The following CLCN4 variants were observed in gnomAD, a reference collection of about 807,000 sequenced individuals.
CLCN4 encodes the protein H(+)/Cl(-) exchange transporter 4.
A neutral mutation model predicts 41.7 loss-of-function variants in CLCN4; 1 was observed. The ratio of observed to expected loss-of-function variants is 0.02; its 90% CI spans 0.01 to 0.11. The LOEUF (loss-of-function observed/expected upper bound fraction) is 0.11, where lower values mean the gene tolerates loss of function less well. Ranked by LOEUF, CLCN4 falls within the 10% of genes least tolerant of loss-of-function variation. The pLI, the probability that CLCN4 is intolerant of heterozygous loss-of-function variation, is 1.00. For missense variants in CLCN4, 287 were observed against 661.0 expected, an observed-to-expected ratio of 0.43 and a Z score of 6.20; for synonymous variants, 277 against 285.8, an observed-to-expected ratio of 0.97 and a Z score of 0.31.
intron 2 of CLCN4, among the ~76,000 whole-genome samples, chrX:10,171,749 G>A (rs1923390663): frequency 8.9e-6 from 1 of 112,002 alleles, no homozygotes; most frequent in Non-Finnish European, 1.9e-5. Context: ...GAAGTCTGGA[G>A]AAAAGCAGGC....
At chrX:10,230,163 TTGTCAGA>T (rs1925092487) in intron 12 of CLCN4, among the ~76,000 whole-genome samples, 1 of 112,146 alleles carries the variant, frequency 8.9e-6, no homozygotes, top group Non-Finnish European at 1.9e-5. Context: ...TATTAATCCC[TTGTCAGA>T]TGGGTAGTTT....
At chrX:10,177,747 A>G (rs1466017767) in intron 2 of CLCN4, among the ~76,000 whole-genome samples, 1 of 112,452 alleles carries the variant, frequency 8.9e-6, no homozygotes, top group Non-Finnish European at 1.9e-5. Context: ...CAGAGTTCCC[A>G]TCTGACCCAG....
At chrX:10,194,253 T>C (rs1924040191) in intron 4 of CLCN4, among the ~76,000 whole-genome samples, 1 of 111,690 alleles carries the variant, frequency 9.0e-6, no homozygotes, top group Non-Finnish European at 1.9e-5. Context: ...TTGTGAGAGA[T>C]GAGAATGCAT....
chrX:10,157,406 G>A (rs886456598), intron 1 of CLCN4, among the ~76,000 whole-genome samples: 8 of 112,304 alleles, frequency 7.1e-5, no homozygotes, highest in Non-Finnish European at 1.5e-4. Flanking sequence ...TCAGGGCTGT[G>A]AGCAAAGGGA....
At chrX:10,165,065 G>T (rs1051744602) in intron 2 of CLCN4, among the ~76,000 whole-genome samples, 1 of 112,690 alleles carries the variant, frequency 8.9e-6, no homozygotes, top group African/African-American at 3.2e-5. Context: ...GCCCTGCACC[G>T]CCTGTCACGT....
Position 10,233,621 on chromosome X carries a change from T to C in CLCN4, c.*37T>C. 4 of 987,542 alleles carry C rather than the reference T, an allele frequency of 4.1e-6. No individual in the cohort carries two copies. The highest frequency in any genetic ancestry group is 5.8e-6 in the Non-Finnish European group (4 of 692,190). The allele number at this position is 987,542 out of a possible 1,213,427, so 81.4% of individuals were successfully genotyped here. A position where few individuals can be genotyped will look rare whatever the true frequency, so the allele number is the denominator to read the frequency against. On this transcript the variant is annotated 3_prime_UTR_variant, in exon 13 of 13. Transcript: ENST00000380833. ...CAATTATTTTCAGAAAAACACTGAC[T>C]GTGTCATTTAAAAAGAAATAAATGA...
chrX:10,185,275 C>G, intron 3 of CLCN4, 99 bp downstream of exon 3: 1 of 927,837 alleles, frequency 1.1e-6, no homozygotes, highest in Non-Finnish European at 1.5e-6. Flanking sequence ...GTGTCATGTG[C>G]TGGGTTAGGG....
rs1925261767 is a variant in CLCN4 at position 10,236,723 on chromosome X, G to T, written c.*3139G>T. The T allele has an allele frequency of 9.6e-6, 1 of 103,717 alleles. No individual in the cohort carries two copies. Among genetic ancestry groups the T allele is most frequent in the South Asian group, 4.2e-4 (1 of 2,391 alleles). 8.5% of individuals were successfully genotyped at this position (103,717 alleles called of 1,213,427 possible). On this transcript the variant is annotated 3_prime_UTR_variant, in exon 13 of 13. Coordinates refer to ENST00000380833, the MANE Select transcript of CLCN4 (RefSeq NM_001830.4). ...TGAAATAAGCATCTTTCAGAATAAGGTTTTTTTTTTTTTCCTCTTCCAGAA... is the reference window on the plus strand; with the variant it reads ...TGAAATAAGCATCTTTCAGAATAAGTTTTTTTTTTTTTTCCTCTTCCAGAA...
At chrX:10,207,868 A>G (rs937234024) in intron 8 of CLCN4, among the ~76,000 whole-genome samples, 177 bp from the exon 9 acceptor site, 1 of 112,134 alleles carries the variant, frequency 8.9e-6, no homozygotes, top group Non-Finnish European at 1.9e-5. Flanking sequence ...ACTTCTAGAC[A>G]TAGTTAGATT....
Position 10,207,918 on chromosome X carries a change from G to T in CLCN4, c.844-127G>T, listed in dbSNP as rs752262568. On this transcript the variant is annotated intron_variant, in intron 8 of 12. Coordinates refer to ENST00000380833, the MANE Select transcript of CLCN4 (RefSeq NM_001830.4). ...TGCTGATGCGTTTTGGTCACATTAA[G>T]TCCAGGCTCATGGAATGAGTGTGTC... The T allele has an allele frequency of 1.0e-5, 6 of 573,718 alleles. No individual in the cohort carries two copies. The East Asian group carries it at 2.0e-4, about 19-fold the overall frequency. 47.3% of individuals were successfully genotyped at this position (573,718 alleles called of 1,213,427 possible). A position where few individuals can be genotyped will look rare whatever the true frequency, so the allele number is the denominator to read the frequency against.
chrX:10,197,483 C>T (rs761001710), intron 5 of CLCN4, among the ~76,000 whole-genome samples: 1 of 111,007 alleles, frequency 9.0e-6, no homozygotes, highest in Middle Eastern at 4.7e-3. Flanking sequence ...AATACAGGCC[C>T]GACCCGTATT....
intron 12 of CLCN4, among the ~76,000 whole-genome samples, chrX:10,229,649 T>G (rs200591061): frequency 1.8e-5 from 2 of 109,238 alleles, no homozygotes; most frequent in African/African-American, 3.3e-5. Context: ...GCGGTGTTTG[T>G]TTTTTTGTCC....
chrX:10,184,199 C>T (rs977167644), intron 2 of CLCN4, among the ~76,000 whole-genome samples: 2 of 112,319 alleles, frequency 1.8e-5, no homozygotes, highest in Non-Finnish European at 3.8e-5. Context: ...CCCCTCCAGC[C>T]CTGTCATTTG....
intron 8 of CLCN4, among the ~76,000 whole-genome samples, chrX:10,207,461 T>C (rs982667705): frequency 8.9e-6 from 1 of 112,414 alleles, no homozygotes; most frequent in Admixed American, 9.4e-5. Context: ...TGTCATAGCA[T>C]GAAAGCAGCT....
intron 12 of CLCN4, among the ~76,000 whole-genome samples, chrX:10,224,293 C>CGTGTGTGTGGGTGTGT (rs1924928714): frequency 1.1e-5 from 1 of 87,904 alleles, no homozygotes; most frequent in African/African-American, 4.3e-5. Context: ...GGGAGGGTTC[C>CGTGTGTGTGGGTGTGT]GTGTGTGTGT....
At chrX:10,163,151 G>A (rs994601035) in intron 2 of CLCN4, among the ~76,000 whole-genome samples, 3 of 113,228 alleles carry the variant, frequency 2.6e-5, no homozygotes, top group African/African-American at 9.6e-5. Context: ...TGCCCCAGAG[G>A]TCCTCGCCTT....
At chrX:10,169,683 CG>C (rs1923335476) in intron 2 of CLCN4, among the ~76,000 whole-genome samples, 4 of 111,042 alleles carry the variant, frequency 3.6e-5, no homozygotes, top group Non-Finnish European at 5.7e-5. Context: ...AAACCACTCA[CG>C]TGTGACATGG....
At chrX:10,166,040 A>C (rs1261234624) in intron 2 of CLCN4, among the ~76,000 whole-genome samples, 1 of 112,089 alleles carries the variant, frequency 8.9e-6, no homozygotes, top group Non-Finnish European at 1.9e-5. Context: ...ATAAGCAGAA[A>C]ATAGGTTGTT....
intron 12 of CLCN4, among the ~76,000 whole-genome samples, chrX:10,232,146 A>G (rs1429317432): frequency 8.9e-6 from 1 of 112,060 alleles, no homozygotes; most frequent in African/African-American, 3.3e-5. Context: ...TGTCTCTCTC[A>G]GTGTGATACA....
Sources: allele counts gnomAD v4.1 joint callset (sites outside exome capture counted in the v4.1 genomes callset), GRCh38; gene constraint gnomAD v4.1.1; transcripts MANE v1.5; gene names NCBI Gene and HGNC (gene_info 2026-07-23, HGNC 2026-07-21).